Variants in PDE1C observed in about 807,000 individuals in gnomAD.
The protein encoded by PDE1C is phosphodiesterase 1C.
A neutral mutation model predicts 93.1 loss-of-function variants in PDE1C; 62 were observed. The ratio of observed to expected loss-of-function variants is 0.67; its 90% CI spans 0.54 to 0.82. The LOEUF (loss-of-function observed/expected upper bound fraction) is 0.82, where lower values mean the gene tolerates loss of function less well. Among genes scored for constraint, PDE1C ranks in the 40% least tolerant of loss-of-function variants. The probability of loss-of-function intolerance (pLI) is 0.00; values close to 1 mark genes in which losing one functional copy is unlikely to be tolerated. For missense variants in PDE1C, 742 were observed against 884.6 expected (o/e 0.84, Z 2.04); for synonymous variants, 325 against 310.1 (o/e 1.05, Z -0.50).
intron 2 of PDE1C, among the ~76,000 whole-genome samples, chr7:31,972,352 T>C (rs529936575): frequency 6.6e-6 from 1 of 152,324 alleles, no homozygotes; most frequent in South Asian, 2.1e-4. Context: ...ATCCTGCAAG[T>C]AGCACCAACT....
At chr7:31,898,845 C>T (rs1285227413) in intron 2 of PDE1C, among the ~76,000 whole-genome samples, 4 of 152,200 alleles carry the variant, frequency 2.6e-5, no homozygotes, top group South Asian at 4.1e-4. Flanking sequence ...TTTTTTGTCT[C>T]ATTTTTGTAA....
At chr7:31,942,766 G>A (rs1158914091) in intron 2 of PDE1C, among the ~76,000 whole-genome samples, 2 of 152,154 alleles carry the variant, frequency 1.3e-5, no homozygotes, top group Non-Finnish European at 2.9e-5. Flanking sequence ...GTTCCAATGA[G>A]AAAAGCAAAC....
At chr7:31,997,205 A>C (rs1254851095) in intron 2 of PDE1C, among the ~76,000 whole-genome samples, 1 of 152,220 alleles carries the variant, frequency 6.6e-6, no homozygotes, top group African/African-American at 2.4e-5. Context: ...GAACTACAAC[A>C]TTGGACAAAT....
chr7:32,205,724 C>G (rs1326803360), intron 2 of PDE1C, among the ~76,000 whole-genome samples: 4 of 152,182 alleles, frequency 2.6e-5, no homozygotes, highest in East Asian at 1.9e-4. Context: ...AGCTGTAACA[C>G]TCATTCTGCA....
chr7:32,314,517 G>A (rs1056872242), intron 1 of PDE1C, among the ~76,000 whole-genome samples: 3 of 152,172 alleles, frequency 2.0e-5, no homozygotes, highest in Non-Finnish European at 4.4e-5. Flanking sequence ...AGCTGGCATG[G>A]ACTTGCACTC....
Position 31,828,339 on chromosome 7 carries a change from GA to G in PDE1C, c.1237del (p.Ser413LeufsTer16). 3.1e-6 allele frequency: 5 copies of G among 1,612,564 alleles called. No homozygotes were observed. Among genetic ancestry groups the G allele is most frequent in the Admixed American group, 1.7e-5 (1 of 59,930 alleles). On this transcript the variant is annotated frameshift_variant, in exon 12 of 18. Coordinates refer to ENST00000396191, the MANE Select transcript of PDE1C (RefSeq NM_001191057.4). LOFTEE classifies it high-confidence loss of function. Reference protein sequence around the residue: ...DREAELGLPFSPLCDRKSTMV... With the variant: ...DREAELGLPFXPLCDRKSTMV... Reference sequence around the variant, plus strand: ...AGTGGACTTTCGGTCACACAGAGGAGAAAAAGGCAGCCCCAGCTCTGCTTCT... The same window carrying G: ...AGTGGACTTTCGGTCACACAGAGGAGAAAAGGCAGCCCCAGCTCTGCTTCT...
At chr7:32,165,784 T>A (rs1436378532) in intron 3 of PDE1C, among the ~76,000 whole-genome samples, 1 of 152,140 alleles carries the variant, frequency 6.6e-6, no homozygotes, top group East Asian at 1.9e-4. Context: ...CAAATTAACA[T>A]AGCAAAATAC....
At chr7:31,889,055 A>G (rs982070224) in intron 2 of PDE1C, among the ~76,000 whole-genome samples, 3 of 152,220 alleles carry the variant, frequency 2.0e-5, no homozygotes, top group African/African-American at 7.2e-5. Flanking sequence ...GAATTTTAAC[A>G]CTCAACATTT....
At chr7:31,804,390 C>A (rs558706932) in intron 16 of PDE1C, among the ~76,000 whole-genome samples, 2 of 151,748 alleles carry the variant, frequency 1.3e-5, no homozygotes, top group African/African-American at 4.8e-5. Flanking sequence ...TCCCTCTAAT[C>A]CTCTTGGATG....
intron 2 of PDE1C, among the ~76,000 whole-genome samples, chr7:32,005,488 G>A (rs562271931): frequency 2.7e-5 from 4 of 147,492 alleles, no homozygotes; most frequent in East Asian, 4.0e-4. Context: ...CCCAGGAGGC[G>A]GAGCTTGCAG....
the PDE1C span, among the ~76,000 whole-genome samples, chr7:31,670,545 C>A: frequency 6.6e-6 from 1 of 152,060 alleles, no homozygotes; most frequent in Non-Finnish European, 1.5e-5. Flanking sequence ...ATTCTTGTCC[C>A]AATTATAGCT....
At chr7:32,056,368 A>ACACAC (rs1794095353) in intron 1 of PDE1C, among the ~76,000 whole-genome samples, 8 of 119,182 alleles carry the variant, frequency 6.7e-5, no homozygotes, top group East Asian at 2.5e-4. Flanking sequence ...CTCTCACTGA[A>ACACAC]ACACACACAC....
chr7:31,697,828 AACTG>A, the PDE1C span, among the ~76,000 whole-genome samples: 1 of 151,634 alleles, frequency 6.6e-6, no homozygotes, highest in African/African-American at 2.4e-5. Context: ...TTTATAAATT[AACTG>A]ACTAATATAA....
intron 2 of PDE1C, among the ~76,000 whole-genome samples, chr7:31,928,559 T>A (rs76058997): frequency 0.011 from 1,740 of 152,254 alleles, 27 homozygotes; most frequent in African/African-American, 0.04. Context: ...TACAAAGGGA[T>A]GCCCATCTAA....
At chr7:31,756,165 C>T (rs1398845448) in intron 17 of PDE1C, among the ~76,000 whole-genome samples, 1 of 151,998 alleles carries the variant, frequency 6.6e-6, no homozygotes, top group East Asian at 1.9e-4. Context: ...CAGCAAGACT[C>T]CTTCTCATAA....
intron 3 of PDE1C, among the ~76,000 whole-genome samples, chr7:32,087,882 AG>A (rs909517315): frequency 1.1e-4 from 16 of 151,982 alleles, no homozygotes; most frequent in Non-Finnish European, 1.9e-4. Flanking sequence ...GGATAGCATT[AG>A]GAGATATACC....
At chr7:31,862,083 C>A (rs1794755407) in intron 7 of PDE1C, among the ~76,000 whole-genome samples, 1 of 152,204 alleles carries the variant, frequency 6.6e-6, no homozygotes, top group Non-Finnish European at 1.5e-5. Context: ...TGTGGTCACA[C>A]TCTTCTTTCA....
intron 16 of PDE1C, among the ~76,000 whole-genome samples, chr7:31,800,813 T>C (rs144276605): frequency 4.0e-5 from 6 of 151,508 alleles, no homozygotes; most frequent in African/African-American, 1.4e-4. Context: ...ATTGAACCTA[T>C]AGATCAACAT....
upstream of PDE1C, chr7:32,071,235 T>A: frequency 1.0e-6 from 1 of 985,268 alleles, no homozygotes; most frequent in Non-Finnish European, 1.2e-6. Flanking sequence ...CGCGCGCAAG[T>A]AGGAGGGAAG....
Sources: gnomAD v4.1 joint callset for allele counts (sites outside exome capture counted in the v4.1 genomes callset) on GRCh38, gnomAD v4.1.1 for gene constraint, MANE v1.5 for transcripts, NCBI Gene and HGNC (gene_info 2026-07-23, HGNC 2026-07-21) for gene names.